STAB2: variants seen among roughly 807,000 people sequenced by gnomAD.
STAB2 encodes the protein stabilin 2, also known as stabilin-2.
STAB2 carries 288 observed loss-of-function variants against 338.1 expected under a neutral mutation model. That is an observed-to-expected ratio of 0.85 (90% confidence interval 0.77 to 0.94). The LOEUF (loss-of-function observed/expected upper bound fraction) is 0.94. Ranked by LOEUF, STAB2 falls within the 40% of genes least tolerant of loss-of-function variation. The pLI, the probability that STAB2 is intolerant of heterozygous loss-of-function variation, is 0.00. For synonymous variants in STAB2, 1,202 were observed against 1,193.3 expected (o/e 1.01, Z -0.15); for missense variants, 3,141 against 3,210.1 (o/e 0.98, Z 0.52).
chr12:103,755,140 C>T, intron 61 of STAB2, 162 bp from the exon 62 acceptor site: 2 of 935,012 alleles, frequency 2.1e-6, no homozygotes, highest in Non-Finnish European at 3.2e-6. Context: ...ATCAATCAGT[C>T]AACATCTAAT....
At chr12:103,750,965 G>A (rs747656498) in intron 60 of STAB2, among the ~76,000 whole-genome samples, 18 of 152,194 alleles carry the variant, frequency 1.2e-4, no homozygotes, top group South Asian at 2.1e-4. Context: ...GGCAGTGCGC[G>A]CCTGTAATCC....
At chr12:103,672,117 C>T (rs1427724845) in intron 22 of STAB2, among the ~76,000 whole-genome samples, 2 of 152,270 alleles carry the variant, frequency 1.3e-5, no homozygotes, top group Non-Finnish European at 2.9e-5. Flanking sequence ...TAAGCAAAGC[C>T]GCTCCTCTTA....
At chr12:103,677,379 AT>A (rs35502704) in intron 24 of STAB2, 73 bp from the exon 25 acceptor site, 1 of 1,282,004 alleles carries the variant, frequency 7.8e-7, no homozygotes, top group South Asian at 1.5e-5. Flanking sequence ...ATGTCTGGAA[AT>A]TCTCTCTTAT....
chr12:103,602,140 T>G (rs1459332183), intron 3 of STAB2, among the ~76,000 whole-genome samples: 4 of 152,206 alleles, frequency 2.6e-5, no homozygotes, highest in Non-Finnish European at 4.4e-5. Flanking sequence ...TCCCAATCCC[T>G]GGAAAATACT....
intron 11 of STAB2, 43 bp from the exon 12 acceptor site, chr12:103,652,513 T>C (rs751629127): frequency 1.3e-6 from 2 of 1,517,802 alleles, no homozygotes; most frequent in South Asian, 2.8e-5. Flanking sequence ...ACAAAACTCA[T>C]TTTCTTCTTC....
intron 39 of STAB2, among the ~76,000 whole-genome samples, chr12:103,710,822 AC>A (rs1189067208): frequency 6.6e-6 from 1 of 152,192 alleles, no homozygotes; most frequent in African/African-American, 2.4e-5. Context: ...AAAGCTCTTA[AC>A]ATGAGCATCC....
chr12:103,700,843 CT>C (rs546676591), intron 34 of STAB2, among the ~76,000 whole-genome samples: 17 of 152,030 alleles, frequency 1.1e-4, no homozygotes, highest in East Asian at 3.9e-4. Context: ...GAAATGCTTT[CT>C]TTTTTTTAAT....
intron 45 of STAB2, among the ~76,000 whole-genome samples, 200 bp from the exon 46 acceptor site, chr12:103,725,916 T>G (rs1177503820): frequency 6.6e-6 from 1 of 152,160 alleles, no homozygotes; most frequent in African/African-American, 2.4e-5. Flanking sequence ...AGATGGCGAT[T>G]CCAGAAAGGT....
rs1156774121 is a variant in STAB2 at position 103,708,545 on chromosome 12, G to T, written c.4288+9G>T. The T allele has an allele frequency of 6.2e-7, 1 of 1,613,178 alleles. No homozygotes were observed. The highest frequency in any genetic ancestry group is 8.5e-7 in the Non-Finnish European group (1 of 1,179,264). ...AGTGCATTGTGACAATGGTAAGAGT[G>T]AGGCCTCCAGTATTTATAATCTGCT... On this transcript the variant is annotated intron_variant, in intron 39 of 68. Coordinates refer to ENST00000388887, the MANE Select transcript of STAB2 (RefSeq NM_017564.10).
At chr12:103,733,280 CCT>C in intron 51 of STAB2, 98 bp downstream of exon 51, 1 of 1,385,706 alleles carries the variant, frequency 7.2e-7, no homozygotes, top group Non-Finnish European at 1.0e-6. Flanking sequence ...TCAGTGTGTC[CCT>C]GTCACCACTG....
chr12:103,717,581 G>T (rs1880420697), intron 43 of STAB2, among the ~76,000 whole-genome samples, 189 bp from the exon 44 acceptor site: 2 of 152,196 alleles, frequency 1.3e-5, no homozygotes, highest in Non-Finnish European at 2.9e-5. Context: ...CTCAAGTGAA[G>T]TGTGTCAAGT....
intron 58 of STAB2, among the ~76,000 whole-genome samples, chr12:103,747,677 A>C (rs1440405240): frequency 6.6e-6 from 1 of 152,144 alleles, no homozygotes; most frequent in East Asian, 1.9e-4. Flanking sequence ...CCATGAACCC[A>C]CCTGAAAATC....
At chr12:103,589,078 G>C (rs911850977) in intron 1 of STAB2, among the ~76,000 whole-genome samples, 1 of 152,192 alleles carries the variant, frequency 6.6e-6, no homozygotes, top group Non-Finnish European at 1.5e-5. Flanking sequence ...GCTAAAATGA[G>C]GATGATGATA....
Position 103,718,965 on chromosome 12 carries a change from G to A in STAB2, c.4683+1124G>A, listed in dbSNP as rs758730698. ...TATTGTTGACACACTTCTTGTCTCCGTTTGCATGTCGATCCTGGCAGGAGC... is the reference window on the plus strand; with the variant it reads ...TATTGTTGACACACTTCTTGTCTCCATTTGCATGTCGATCCTGGCAGGAGC... On this transcript the variant is annotated intron_variant, in intron 44 of 68. Coordinates refer to ENST00000388887, the MANE Select transcript of STAB2 (RefSeq NM_017564.10). Among the ~76,000 whole-genome samples, 10 of 152,150 alleles carry A rather than the reference G, an allele frequency of 6.6e-5. No homozygotes were observed. The South Asian group carries it at 8.3e-4, about 13-fold the overall frequency.
At chr12:103,703,855 A>G (rs940420137) in intron 35 of STAB2, among the ~76,000 whole-genome samples, 5 of 152,214 alleles carry the variant, frequency 3.3e-5, no homozygotes, top group South Asian at 2.1e-4. Flanking sequence ...TTTTACATGC[A>G]CTAACCTGTG....
chr12:103,596,191 G>C (rs1308497331), intron 3 of STAB2, among the ~76,000 whole-genome samples: 2 of 152,168 alleles, frequency 1.3e-5, no homozygotes, highest in Non-Finnish European at 2.9e-5. Context: ...ATCATGTCTA[G>C]TTCTCATAGA....
intron 3 of STAB2, among the ~76,000 whole-genome samples, chr12:103,619,410 T>A (rs1009468331): frequency 6.6e-6 from 1 of 152,172 alleles, no homozygotes; most frequent in African/African-American, 2.4e-5. Flanking sequence ...TTTCTTTTCA[T>A]CCTCATCACA....
intron 9 of STAB2, among the ~76,000 whole-genome samples, chr12:103,641,638 T>C (rs1270293919): frequency 6.6e-6 from 1 of 152,186 alleles, no homozygotes; most frequent in African/African-American, 2.4e-5. Context: ...TTTACCACCC[T>C]CTGAGAAAGT....
intron 45 of STAB2, among the ~76,000 whole-genome samples, chr12:103,725,556 G>A (rs61937835): frequency 0.042 from 6,393 of 152,188 alleles, 182 homozygotes; most frequent in Non-Finnish European, 0.061. Context: ...GTGTGCATGT[G>A]TGCGTGCACG....
Sources: gnomAD v4.1 joint callset for allele counts (sites outside exome capture counted in the v4.1 genomes callset) on GRCh38, gnomAD v4.1.1 for gene constraint, MANE v1.5 for transcripts, NCBI Gene and HGNC (gene_info 2026-07-23, HGNC 2026-07-21) for gene names.